The following SLC8A1 variants were observed in gnomAD, a reference collection of about 807,000 sequenced individuals.
SLC8A1 encodes solute carrier family 8 member A1, also known as sodium/calcium exchanger 1.
SLC8A1 carries 18 observed loss-of-function variants against 68.3 expected under a neutral mutation model. The observed-to-expected ratio is 0.26, with a 90% CI of 0.18 to 0.39. The LOEUF (loss-of-function observed/expected upper bound fraction) is 0.39, where lower values mean the gene tolerates loss of function less well. Among genes scored for constraint, SLC8A1 ranks in the 10% least tolerant of loss-of-function variants. SLC8A1 has a pLI of 1.00. For missense variants in SLC8A1, 985 were observed against 1,156.7 expected (o/e 0.85, Z 2.15); for synonymous variants, 475 against 415.5 (o/e 1.14, Z -1.74).
intron 7 of SLC8A1, among the ~76,000 whole-genome samples, chr2:40,119,230 A>G (rs983013348): frequency 2.0e-5 from 3 of 152,216 alleles, no homozygotes; most frequent in Non-Finnish European, 4.4e-5. Context: ...AGCTTGTCAC[A>G]TAAGTAAAAC....
intron 2 of SLC8A1, among the ~76,000 whole-genome samples, chr2:40,381,880 A>G (rs977154024): frequency 6.6e-6 from 1 of 151,580 alleles, no homozygotes; most frequent in Non-Finnish European, 1.5e-5. Flanking sequence ...CTCCTCTTCC[A>G]TACCTCTCCC....
rs190926866 is a variant in SLC8A1, at chr2:40,471,751, A to T, written c.-25+40598T>A. On this transcript the variant is annotated intron_variant, in intron 1 of 7. Transcript: ENST00000402441. Reference sequence around the variant, plus strand: ...ATGCAATTGCAATAAATGGAAACAAATTTTTTGAAATTACAAATAGTAAAA... The same window carrying T: ...ATGCAATTGCAATAAATGGAAACAATTTTTTTGAAATTACAAATAGTAAAA... Among the ~76,000 whole-genome samples the T allele has an allele frequency of 1.7e-3, 253 of 152,346 alleles. 3 individuals are homozygous for T. The highest frequency in any genetic ancestry group is 5.7e-3 in the African/African-American group (237 of 41,584).
chr2:40,130,000 G>T (rs2038996427), intron 7 of SLC8A1, among the ~76,000 whole-genome samples: 1 of 152,130 alleles, frequency 6.6e-6, no homozygotes. Flanking sequence ...CCTGGTAAAT[G>T]ACATCATTGT....
chr2:40,299,635 A>T (rs978305316), intron 2 of SLC8A1, among the ~76,000 whole-genome samples: 2 of 152,180 alleles, frequency 1.3e-5, no homozygotes, highest in Admixed American at 1.3e-4. Context: ...GAATCTGGGG[A>T]CTGGGTTCTT....
rs79538507 is a variant in SLC8A1 at position 40,258,035 on chromosome 2, T to C, written c.1809-80180A>G. 2.9e-3 allele frequency among the ~76,000 whole-genome samples: 448 copies of C among 152,188 alleles called. 3 individuals carry two copies. The highest frequency in any genetic ancestry group is 9.9e-3 in the African/African-American group (412 of 41,508). ...ATACCAGCGTGGGTGATGCTGACAA[T>C]AATTAAGCAAACAGAATGCCAAACA... On this transcript the variant is annotated intron_variant, in intron 2 of 7. Coordinates refer to ENST00000406785, the Ensembl canonical transcript of SLC8A1.
chr2:40,277,811 T>TATATATATATATATAA (rs2066952838), intron 2 of SLC8A1, among the ~76,000 whole-genome samples: 2 of 110,266 alleles, frequency 1.8e-5, no homozygotes, highest in East Asian at 1.3e-3. Flanking sequence ...TATATATATA[T>TATATATATATATATAA]ATATATATAT....
intron 2 of SLC8A1, among the ~76,000 whole-genome samples, chr2:40,336,182 G>C (rs1665913138): frequency 6.6e-6 from 1 of 152,172 alleles, no homozygotes; most frequent in Non-Finnish European, 1.5e-5. Context: ...TCCACTTTAT[G>C]TGGTACCTTA....
At chr2:40,336,275 T>TTA (rs1385880947) in intron 2 of SLC8A1, among the ~76,000 whole-genome samples, 1 of 152,170 alleles carries the variant, frequency 6.6e-6, no homozygotes, top group Non-Finnish European at 1.5e-5. Flanking sequence ...GGAAACATAT[T>TTA]TATATCACAC....
At chr2:40,480,556 G>C (rs564740354) in intron 1 of SLC8A1, among the ~76,000 whole-genome samples, 1 of 152,322 alleles carries the variant, frequency 6.6e-6, no homozygotes, top group South Asian at 2.1e-4. Context: ...TGATAAGGCA[G>C]CCAGTTTATG....
chr2:40,169,350 C>T (rs2047066933), intron 4 of SLC8A1, among the ~76,000 whole-genome samples: 1 of 151,928 alleles, frequency 6.6e-6, no homozygotes, highest in Non-Finnish European at 1.5e-5. Context: ...CAGAACTATG[C>T]TGACAAGTCA....
chr2:40,367,537 CAGTA>C (rs1042252088), intron 2 of SLC8A1, among the ~76,000 whole-genome samples: 18 of 151,932 alleles, frequency 1.2e-4, no homozygotes, highest in Admixed American at 1.1e-3. Flanking sequence ...CCAAACTATA[CAGTA>C]AGTATTTTCC....
At chr2:40,390,062 A>G (rs1178281743) in intron 2 of SLC8A1, among the ~76,000 whole-genome samples, 2 of 152,014 alleles carry the variant, frequency 1.3e-5, no homozygotes, top group Non-Finnish European at 1.5e-5. Flanking sequence ...TCCATAATAT[A>G]GATATGTTGT....
In SLC8A1 at chr2:40,429,040, C is replaced by T; in HGVS notation, c.1241G>A (p.Gly414Glu). 6.2e-7 allele frequency: 1 copy of T among 1,612,490 alleles called. No individual in the cohort carries two copies. The highest frequency in any genetic ancestry group is 8.5e-7 in the Non-Finnish European group (1 of 1,178,820). The change falls in exon 2 of 8, where the codon GGG becomes GAG. Residue 414 changes from glycine (G) to glutamate (E), a missense_variant. Gly to Glu is a moderately conservative substitution (Grantham distance 98). Around this residue, in one of 5 missense-constraint regions of SLC8A1, gnomAD observed 584 missense variants for 565.9 expected, o/e 1.03. Transcript: ENST00000406785. ...ACAGTTCTCCAGACACTGATATGTCCCTTGTTCAAAGAAGATCTTACTAAC... is the reference window on the plus strand; with the variant it reads ...ACAGTTCTCCAGACACTGATATGTCTCTTGTTCAAAGAAGATCTTACTAAC...
At chr2:40,317,582 C>G (rs76703714) in intron 2 of SLC8A1, among the ~76,000 whole-genome samples, 3,618 of 151,958 alleles carry the variant, frequency 0.024, 48 homozygotes, top group Non-Finnish European at 0.033. Context: ...AACTAAAGAA[C>G]AGGATATATA....
chr2:40,372,957 GA>G (rs533992242), intron 2 of SLC8A1, among the ~76,000 whole-genome samples: 47 of 151,420 alleles, frequency 3.1e-4, no homozygotes, highest in Non-Finnish European at 6.2e-4. Context: ...GAACACAAAG[GA>G]AAAAAATAAA....
chr2:40,401,171 C>T (rs1456322957), intron 2 of SLC8A1, among the ~76,000 whole-genome samples: 1 of 152,210 alleles, frequency 6.6e-6, no homozygotes, highest in Non-Finnish European at 1.5e-5. Flanking sequence ...CTTTCTACTA[C>T]ATCTAAGACA....
At chr2:40,244,115 A>T (rs2061545199) in intron 2 of SLC8A1, among the ~76,000 whole-genome samples, 1 of 152,184 alleles carries the variant, frequency 6.6e-6, no homozygotes. Context: ...CAAGCCTTAC[A>T]TTCTTACCAG....
At chr2:40,257,534 G>A (rs1219265512) in intron 2 of SLC8A1, among the ~76,000 whole-genome samples, 1 of 151,894 alleles carries the variant, frequency 6.6e-6, no homozygotes, top group East Asian at 1.9e-4. Flanking sequence ...TACAGAGATA[G>A]CTATTATTTC....
chr2:40,337,327 T>C (rs1489469444), intron 2 of SLC8A1: 2 of 353,874 alleles, frequency 5.7e-6, no homozygotes, highest in African/African-American at 2.0e-5. Flanking sequence ...GATATTGTTT[T>C]GTAAATATCA....
Sources: allele counts gnomAD v4.1 joint callset (sites outside exome capture counted in the v4.1 genomes callset), GRCh38; gene constraint gnomAD v4.1.1; regional missense constraint gnomAD v4.1.1; transcripts MANE v1.5; gene names NCBI Gene and HGNC (gene_info 2026-07-23, HGNC 2026-07-21).